Variants in GLIS3 observed in about 807,000 individuals in gnomAD.
GLIS3 encodes zinc finger protein GLIS3.
Under a neutral mutation model 78.6 loss-of-function variants are expected in GLIS3, and 53 were observed. The ratio of observed to expected loss-of-function variants is 0.67; its 90% CI spans 0.54 to 0.85. The LOEUF (loss-of-function observed/expected upper bound fraction) is 0.85, where lower values mean the gene tolerates loss of function less well. Among genes scored for constraint, GLIS3 ranks in the 40% least tolerant of loss-of-function variants. The pLI, the probability that GLIS3 is intolerant of heterozygous loss-of-function variation, is 0.00. For synonymous variants in GLIS3, 684 were observed against 509.9 expected (o/e 1.34, Z -4.60); for missense variants, 1,703 against 1,231.1 (o/e 1.38, Z -5.74).
intron 4 of GLIS3, among the ~76,000 whole-genome samples, chr9:4,046,415 C>G (rs979719451): frequency 3.3e-5 from 5 of 152,066 alleles, no homozygotes; most frequent in Non-Finnish European, 5.9e-5. Context: ...TTAGATCTAG[C>G]AGGATATAAC....
chr9:3,928,851 G>C (rs1825425447), intron 6 of GLIS3, among the ~76,000 whole-genome samples: 1 of 152,200 alleles, frequency 6.6e-6, no homozygotes, highest in Non-Finnish European at 1.5e-5. Flanking sequence ...GTGGAAGTGT[G>C]AAATGGATGA....
intron 2 of GLIS3, among the ~76,000 whole-genome samples, chr9:4,238,264 A>T (rs1822962784): frequency 6.6e-6 from 1 of 150,732 alleles, no homozygotes. Flanking sequence ...TCTTAATAGA[A>T]CTCAGTATTT....
chr9:4,107,549 C>G (rs910891517), intron 4 of GLIS3, among the ~76,000 whole-genome samples: 1 of 152,122 alleles, frequency 6.6e-6, no homozygotes, highest in Non-Finnish European at 1.5e-5. Context: ...GAAATAAACT[C>G]TTATCATAGC....
At chr9:4,456,250 T>G in the GLIS3 span, among the ~76,000 whole-genome samples, 4 of 152,230 alleles carry the variant, frequency 2.6e-5, no homozygotes, top group African/African-American at 9.6e-5. Context: ...CAGAAAGTTG[T>G]AAATTTTTGG....
At chr9:4,055,166 C>T (rs926399919) in intron 4 of GLIS3, among the ~76,000 whole-genome samples, 1 of 152,162 alleles carries the variant, frequency 6.6e-6, no homozygotes, top group Non-Finnish European at 1.5e-5. Flanking sequence ...GCAACTGGGG[C>T]TCCTTGCTTC....
chr9:4,211,791 G>T (rs539913440), intron 2 of GLIS3, among the ~76,000 whole-genome samples: 1 of 152,214 alleles, frequency 6.6e-6, no homozygotes, highest in Non-Finnish European at 1.5e-5. Context: ...CTGATGAATG[G>T]AGAAGTAAAA....
chr9:4,155,293 G>A (rs533694413), intron 2 of GLIS3, among the ~76,000 whole-genome samples: 1 of 152,260 alleles, frequency 6.6e-6, no homozygotes, highest in African/African-American at 2.4e-5. Flanking sequence ...TAAAAAGCAA[G>A]AGAATAAGCA....
At chr9:4,059,750 A>T (rs1826466733) in intron 4 of GLIS3, among the ~76,000 whole-genome samples, 1 of 150,926 alleles carries the variant, frequency 6.6e-6, no homozygotes, top group Admixed American at 6.7e-5. Flanking sequence ...CAGGGATGAA[A>T]GCAGGCCTCA....
intron 2 of GLIS3, among the ~76,000 whole-genome samples, chr9:4,340,621 G>T (rs546256280): frequency 6.6e-6 from 1 of 152,222 alleles, no homozygotes; most frequent in East Asian, 1.9e-4. Flanking sequence ...CCACATCCAC[G>T]CTATTAACCA....
chr9:4,075,580 C>G (rs1420058445), intron 4 of GLIS3, among the ~76,000 whole-genome samples: 3 of 151,804 alleles, frequency 2.0e-5, no homozygotes, highest in African/African-American at 7.3e-5. Context: ...CGTCTCAAAA[C>G]AAAACAAAAC....
chr9:4,456,697 CT>C, the GLIS3 span, among the ~76,000 whole-genome samples: 1 of 152,138 alleles, frequency 6.6e-6, no homozygotes, highest in Non-Finnish European at 1.5e-5. Flanking sequence ...CATTTGAATA[CT>C]TAGAGGCCAT....
At chr9:3,994,246 G>A (rs1030016732) in intron 4 of GLIS3, among the ~76,000 whole-genome samples, 7 of 152,122 alleles carry the variant, frequency 4.6e-5, no homozygotes, top group African/African-American at 1.2e-4. Flanking sequence ...TTCTCATTAT[G>A]GTCTCATTAC....
intron 2 of GLIS3, among the ~76,000 whole-genome samples, chr9:4,134,581 T>C (rs908045991): frequency 6.6e-6 from 1 of 152,142 alleles, no homozygotes; most frequent in African/African-American, 2.4e-5. Flanking sequence ...CCAACATATA[T>C]GATGTGCCTG....
At chr9:4,296,748 C>A (rs4237151) in intron 1 of GLIS3, among the ~76,000 whole-genome samples, 151,885 of 152,150 alleles carry the variant, frequency 1, 75,812 homozygotes, top group Middle Eastern at 1. Context: ...CCAATAAGGA[C>A]AGGTGTTTTG....
chr9:4,003,014 A>C (rs998249326), intron 4 of GLIS3, among the ~76,000 whole-genome samples: 1 of 152,232 alleles, frequency 6.6e-6, no homozygotes, highest in African/African-American at 2.4e-5. Flanking sequence ...ATATTTGTTT[A>C]ATCCACTGTA....
intron 2 of GLIS3, among the ~76,000 whole-genome samples, chr9:4,229,343 C>T (rs1175172910): frequency 1.3e-5 from 2 of 152,122 alleles, no homozygotes; most frequent in Non-Finnish European, 2.9e-5. Flanking sequence ...ATTTTGAAAA[C>T]AATAGTTAAT....
intron 2 of GLIS3, among the ~76,000 whole-genome samples, chr9:4,178,763 A>T (rs916126527): frequency 2.6e-5 from 4 of 152,236 alleles, no homozygotes; most frequent in African/African-American, 4.8e-5. Flanking sequence ...TTCACTGAAG[A>T]CATTTTTCAG....
chr9:4,124,020 C>T (rs1832383405), intron 3 of GLIS3, among the ~76,000 whole-genome samples: 1 of 152,136 alleles, frequency 6.6e-6, no homozygotes, highest in Non-Finnish European at 1.5e-5. Flanking sequence ...TCTTTATCTC[C>T]AGTAAAATGT....
At chr9:4,195,720 G>C (rs941537365) in intron 2 of GLIS3, among the ~76,000 whole-genome samples, 1 of 152,282 alleles carries the variant, frequency 6.6e-6, no homozygotes, top group Non-Finnish European at 1.5e-5. Flanking sequence ...GGATCCACTA[G>C]GCGAAGCCAG....
Sources: gnomAD v4.1 joint callset for allele counts (sites outside exome capture counted in the v4.1 genomes callset) on GRCh38, gnomAD v4.1.1 for gene constraint, MANE v1.5 for transcripts, NCBI Gene and HGNC (gene_info 2026-07-23, HGNC 2026-07-21) for gene names.